Variants in MLLT10 observed in about 807,000 individuals in gnomAD.
The protein encoded by MLLT10 is MLLT10 histone lysine methyltransferase DOT1L cofactor, also known as protein AF-10.
MLLT10 carries 30 observed loss-of-function variants against 129.1 expected under a neutral mutation model. That is an observed-to-expected ratio of 0.23 (90% CI 0.17 to 0.32). The LOEUF (loss-of-function observed/expected upper bound fraction) is 0.32. Among genes scored for constraint, MLLT10 ranks in the 10% least tolerant of loss-of-function variants. The probability of loss-of-function intolerance (pLI) is 1.00; values close to 1 mark genes in which losing one functional copy is unlikely to be tolerated. For synonymous variants in MLLT10, 490 were observed against 446.4 expected (o/e 1.10, Z -1.23); for missense variants, 1,119 against 1,268.3 (o/e 0.88, Z 1.79).
chr10:21,604,993 A>T (rs2043915299), intron 5 of MLLT10, among the ~76,000 whole-genome samples: 1 of 151,286 alleles, frequency 6.6e-6, no homozygotes, highest in Admixed American at 6.6e-5. Context: ...GTATTATTTG[A>T]GTCCAGGAGT....
At chr10:21,718,763 C>T (rs1222253059) in intron 14 of MLLT10, among the ~76,000 whole-genome samples, 2 of 152,190 alleles carry the variant, frequency 1.3e-5, no homozygotes, top group African/African-American at 2.4e-5. Flanking sequence ...ACTCTGTTGC[C>T]GAGGCTAGAG....
chr10:21,567,371 A>T (rs1233129408), intron 3 of MLLT10, among the ~76,000 whole-genome samples: 1 of 151,688 alleles, frequency 6.6e-6, no homozygotes, highest in African/African-American at 2.4e-5. Flanking sequence ...TCTCTACCTG[A>T]TCTCTGTGGT....
In MLLT10 at chr10:21,739,916, TTTTC is replaced by T. The variant is rs1190107732; in HGVS notation, c.2956-106_2956-103del. On this transcript the variant is annotated intron_variant, in intron 21 of 22. Coordinates refer to ENST00000307729, the MANE Select transcript of MLLT10 (RefSeq NM_001195626.3). ...CATATTTTTCTAGATGAGATACTTG[TTTTC>T]TTTCTTTGCAAATATCTAATATTAA... 208 of 820,414 alleles carry T rather than the reference TTTTC, an allele frequency of 2.5e-4. No individual in the cohort carries two copies. The East Asian group carries it at 5.4e-3, about 21-fold the overall frequency. The allele number at this position is 820,414 out of a possible 1,614,324, so 50.8% of individuals were successfully genotyped here.
In MLLT10 at chr10:21,534,484, C is replaced by T; in HGVS notation, c.-37C>T. 3.0e-6 allele frequency: 2 copies of T among 676,872 alleles called. No individual in the cohort carries two copies. The highest frequency in any genetic ancestry group is 4.0e-5 in the South Asian group (2 of 49,762). The allele number at this position is 676,872 out of a possible 1,614,324, so 41.9% of individuals were successfully genotyped here. A position where few individuals can be genotyped will look rare whatever the true frequency, so the allele number is the denominator to read the frequency against. ...TCAGCAAGGACATGGCTCCTGACTC[C>T]TGTGCGGAACGTGAGTGACTGAGCG... On this transcript the variant is annotated 5_prime_UTR_variant, in exon 1 of 23. Transcript: ENST00000307729.
At chr10:21,734,274 C>T (rs2058181406) in intron 20 of MLLT10, 145 bp downstream of exon 20, 3 of 812,766 alleles carry the variant, frequency 3.7e-6, no homozygotes, top group Non-Finnish European at 5.3e-6. Flanking sequence ...ATACAGAGTA[C>T]ATTTATTTTT....
chr10:21,580,888 T>A, intron 3 of MLLT10, among the ~76,000 whole-genome samples: 1 of 144,798 alleles, frequency 6.9e-6, no homozygotes, highest in South Asian at 2.2e-4. Flanking sequence ...TTTTTTTTTT[T>A]TTTTTAGTAG....
intron 3 of MLLT10, among the ~76,000 whole-genome samples, chr10:21,561,603 AT>A (rs1415846367): frequency 6.6e-6 from 1 of 152,038 alleles, no homozygotes; most frequent in East Asian, 1.9e-4. Context: ...TTTTGAGCCA[AT>A]TTTTGTGTGC....
At chr10:21,741,011 T>C (rs904627231) in intron 22 of MLLT10, among the ~76,000 whole-genome samples, 4 of 152,138 alleles carry the variant, frequency 2.6e-5, no homozygotes, top group Non-Finnish European at 4.4e-5. Flanking sequence ...GGCAAATGAG[T>C]GTTCAAAGTT....
chr10:21,724,945 G>C (rs1274483200), intron 14 of MLLT10, among the ~76,000 whole-genome samples: 1 of 152,196 alleles, frequency 6.6e-6, no homozygotes, highest in Non-Finnish European at 1.5e-5. Context: ...TAGTAGAGCT[G>C]GCTTGCTGCC....
intron 8 of MLLT10, among the ~76,000 whole-genome samples, chr10:21,640,353 CACAT>C (rs1419919508): frequency 1.4e-5 from 2 of 145,200 alleles, no homozygotes; most frequent in Non-Finnish European, 3.0e-5. Flanking sequence ...TATATACACA[CACAT>C]ATATGTGTGT....
rs769644320 is a variant in MLLT10, at chr10:21,670,414, C to T, written c.796-35C>T. On this transcript the variant is annotated intron_variant, in intron 9 of 22. Transcript: ENST00000307729. ...TTTTCTGTAACTAAAATGTAATCAA[C>T]TCTTTTTCCTTCCCTTTTTGAATCA... 5.1e-6 allele frequency: 8 copies of T among 1,568,868 alleles called. No homozygotes were observed. In the South Asian group the frequency reaches 8.4e-5, roughly 16 times the overall value.
intron 22 of MLLT10, 28 bp from the exon 23 acceptor site, chr10:21,741,911 A>T (rs768272858): frequency 6.2e-7 from 1 of 1,602,374 alleles, no homozygotes; most frequent in South Asian, 1.1e-5. Context: ...GATTTAGCTA[A>T]CGCATCTGCT....
At chr10:21,643,445 T>G (rs188995377) in intron 8 of MLLT10, among the ~76,000 whole-genome samples, 4 of 152,312 alleles carry the variant, frequency 2.6e-5, no homozygotes, top group Admixed American at 2.6e-4. Context: ...ATTCGTTAGC[T>G]GCTCACTATT....
intron 5 of MLLT10, among the ~76,000 whole-genome samples, chr10:21,608,211 C>G (rs1302591386): frequency 2.0e-5 from 3 of 151,582 alleles, no homozygotes; most frequent in Non-Finnish European, 4.4e-5. Flanking sequence ...CTCAGTTGCC[C>G]ATGCTGGAGT....
intron 8 of MLLT10, among the ~76,000 whole-genome samples, chr10:21,620,595 GAT>G (rs2045714496): frequency 6.6e-6 from 1 of 152,140 alleles, no homozygotes; most frequent in African/African-American, 2.4e-5. Context: ...CTGTTCATAA[GAT>G]ATACATTGAA....
chr10:21,534,577 GC>G (rs1162598572), intron 1 of MLLT10, 57 bp downstream of exon 1: 1 of 1,501,894 alleles, frequency 6.7e-7, no homozygotes, highest in African/African-American at 1.4e-5. Context: ...GGCTCGGGGG[GC>G]TGTGTGGGGG....
intron 13 of MLLT10, among the ~76,000 whole-genome samples, chr10:21,703,279 G>C (rs2055103000): frequency 6.6e-6 from 1 of 151,416 alleles, no homozygotes; most frequent in Non-Finnish European, 1.5e-5. Context: ...TAATATCCTT[G>C]GCTGAAAGTT....
chr10:21,651,583 G>A (rs1156985842), intron 8 of MLLT10, 90 bp from the exon 9 acceptor site: 11 of 796,918 alleles, frequency 1.4e-5, no homozygotes, highest in Non-Finnish European at 2.2e-5. Flanking sequence ...ATTTGTTAAT[G>A]TTTTAAATTA....
intron 13 of MLLT10, among the ~76,000 whole-genome samples, chr10:21,691,813 G>A (rs1313067847): frequency 1.3e-5 from 2 of 151,932 alleles, no homozygotes; most frequent in East Asian, 1.9e-4. Context: ...ATAATAAATG[G>A]GTAAATCAGA....
Sources: allele counts gnomAD v4.1 joint callset (sites outside exome capture counted in the v4.1 genomes callset), GRCh38; gene constraint gnomAD v4.1.1; transcripts MANE v1.5; gene names NCBI Gene and HGNC (gene_info 2026-07-23, HGNC 2026-07-21).